TECTA: variants seen among roughly 807,000 people sequenced by gnomAD.
TECTA encodes the protein tectorin alpha, also known as alpha-tectorin.
TECTA carries 128 observed loss-of-function variants against 216.8 expected under a neutral mutation model. The observed-to-expected ratio is 0.59, with a 90% CI of 0.51 to 0.68. The LOEUF is 0.68. TECTA is among the 30% of genes least tolerant of loss of function. The pLI is 0.00. For synonymous variants in TECTA, 1,089 were observed against 1,117.1 expected (o/e 0.97, Z 0.50); for missense variants, 2,551 against 2,786.2 (o/e 0.92, Z 1.90).
chr11:121,105,105 C>T lies in TECTA; in HGVS notation c.65-726C>T, dbSNP rs557040947. ...AGGAGAGGAGGTGACCCTGTCACAGCGGGATGCAGTGTGTGTTTGTGTGAT... is the reference window on the plus strand; with the variant it reads ...AGGAGAGGAGGTGACCCTGTCACAGTGGGATGCAGTGTGTGTTTGTGTGAT... On this transcript the variant is annotated intron_variant, in intron 2 of 23. Coordinates refer to ENST00000392793, the MANE Select transcript of TECTA (RefSeq NM_005422.4). The surrounding 1 kb of genome is among the most constrained non-coding windows in gnomAD (Gnocchi z 5.3). Among the ~76,000 whole-genome samples the T allele has an allele frequency of 2.6e-5, 4 of 152,244 alleles. No individual in the cohort carries two copies. Among genetic ancestry groups the T allele is most frequent in the South Asian group, 4.2e-4 (2 of 4,816 alleles).
intron 20 of TECTA, among the ~76,000 whole-genome samples, chr11:121,187,051 G>A (rs542456527): frequency 2.6e-5 from 4 of 152,252 alleles, no homozygotes; most frequent in South Asian, 2.1e-4. Flanking sequence ...TGCCTGGTCC[G>A]GGCATGACTA....
In TECTA at chr11:121,156,172, A is replaced by T. The variant is rs61685639; in HGVS notation, c.4306-1669A>T. Among the ~76,000 whole-genome samples the T allele has an allele frequency of 5.3e-4, 80 of 152,110 alleles. No homozygotes were observed. In the East Asian group the frequency reaches 0.013, roughly 25 times the overall value. On this transcript the variant is annotated intron_variant, in intron 13 of 23. Transcript: ENST00000392793. ...CCCTGTAAGACATTATTTTTAATTTAATTTTATTATTATTACTTCTGAGAC... is the reference window on the plus strand; with the variant it reads ...CCCTGTAAGACATTATTTTTAATTTTATTTTATTATTATTACTTCTGAGAC...
At chr11:121,182,217 G>A (rs1466328889) in intron 20 of TECTA, among the ~76,000 whole-genome samples, 3 of 152,112 alleles carry the variant, frequency 2.0e-5, no homozygotes, top group African/African-American at 7.2e-5. Context: ...AGTGGTAGCA[G>A]TGGGCCAGGT....
Position 121,130,187 on chromosome 11 carries a change from C to A in TECTA, c.2917C>A (p.Pro973Thr). 1 of 1,601,306 alleles carries A rather than the reference C, an allele frequency of 6.2e-7. No individual in the cohort carries two copies. The highest frequency in any genetic ancestry group is 8.5e-7 in the Non-Finnish European group (1 of 1,179,940). Residue 973 changes from proline to threonine, a missense_variant, in exon 10 of 24, where the codon CCC (proline) becomes ACC (threonine). Physicochemically the swap from Pro to Thr is conservative, Grantham distance 38. Coordinates refer to ENST00000392793, the MANE Select transcript of TECTA (RefSeq NM_005422.4). ...ACKNADVEVG[P>T]WRTYDFCPLE... ...CAAGAATGCGGACGTGGAGGTGGGG[C>A]CCTGGCGGACCTATGACTTCTGCCG...
intron 6 of TECTA, among the ~76,000 whole-genome samples, chr11:121,115,611 G>A (rs991010590): frequency 2.0e-5 from 3 of 152,066 alleles, no homozygotes; most frequent in Non-Finnish European, 2.9e-5. Context: ...GGGAGGCCTC[G>A]GGGTTCTTTC....
At chr11:121,188,426 C>T (rs963109243) in intron 21 of TECTA, among the ~76,000 whole-genome samples, 1 of 152,194 alleles carries the variant, frequency 6.6e-6, no homozygotes, top group Non-Finnish European at 1.5e-5. Flanking sequence ...TCTCAAGGAG[C>T]CAGGCGGCCT....
chr11:121,168,094 T>C lies in TECTA; in HGVS notation c.5627T>C (p.Ile1876Thr). 6.2e-7 allele frequency: 1 copy of C among 1,614,130 alleles called. No individual in the cohort carries two copies. Among genetic ancestry groups the C allele is most frequent in the Non-Finnish European group, 8.5e-7 (1 of 1,180,002 alleles). The change falls in exon 19 of 24, where the codon ATC (isoleucine) becomes ACC (threonine). Residue 1876 changes from isoleucine to threonine, a missense_variant. Ile to Thr is a moderately conservative substitution (Grantham distance 89). Transcript: ENST00000392793. ...THIMYKNTLW[I>T]ESANNTGNII... ...ATCATGTATAAAAACACACTCTGGA[T>C]CGAAAGCGCCAACAACACTGGCAAC...
chr11:121,164,323 TTTTTAAAA>T (rs1947029953), intron 16 of TECTA, among the ~76,000 whole-genome samples: 1 of 152,202 alleles, frequency 6.6e-6, no homozygotes, highest in Admixed American at 6.5e-5. Flanking sequence ...TTTAAAACTC[TTTTTAAAA>T]AAACTCTTGA....
In TECTA at chr11:121,105,765, G is replaced by A. The variant is rs1946384283; in HGVS notation, c.65-66G>A. The A allele has an allele frequency of 3.1e-6, 5 of 1,606,018 alleles. No individual in the cohort carries two copies. The highest frequency in any genetic ancestry group is 4.3e-6 in the Non-Finnish European group (5 of 1,176,194). The stretch of plus-strand genomic sequence containing the variant: ...GAAAGAAGCTGGCTTCAGTAGGTAG[G>A]AGAGATGTAGATTGCCAAACGGCAG... On this transcript the variant is annotated intron_variant, in intron 2 of 23. Transcript: ENST00000392793. The surrounding 1 kb of genome is among the most constrained non-coding windows in gnomAD (Gnocchi z 5.3).
rs1308857398 is a variant in TECTA, at chr11:121,191,186, G to A, written c.*380G>A. The A allele has an allele frequency of 3.2e-6, 1 of 315,020 alleles. No homozygotes were observed. Among genetic ancestry groups the A allele is most frequent in the African/African-American group, 2.2e-5 (1 of 46,156 alleles). The allele number at this position is 315,020 out of a possible 1,614,324, so 19.5% of individuals were successfully genotyped here. On this transcript the variant is annotated 3_prime_UTR_variant, in exon 24 of 24. Transcript: ENST00000392793. ...TTTCTGGATCACAGTTTTTTACAGA[G>A]AGAGGGCCTGTTGGAACGATTTTGA... is the stretch of plus-strand genomic sequence containing the variant.
rs1946460773 is a variant in TECTA at position 121,113,308 on chromosome 11, A to G, written c.624+99A>G. The G allele has an allele frequency of 6.3e-7, 1 of 1,596,184 alleles. No homozygotes were observed. Among genetic ancestry groups the G allele is most frequent in the Admixed American group, 1.7e-5 (1 of 59,888 alleles). Reference sequence around the variant, plus strand: ...GAGGGAATCCTGCCACCAGCTTTTAACTAGAGACGCAGGTCTGATCTCGCA... The same window carrying G: ...GAGGGAATCCTGCCACCAGCTTTTAGCTAGAGACGCAGGTCTGATCTCGCA... On this transcript the variant is annotated intron_variant, in intron 5 of 23. Transcript: ENST00000392793. This position sits in a 1 kb window ranked among gnomAD's most constrained non-coding sequence, Gnocchi z 4.2.
chr11:121,143,732 G>A (rs1946806411), intron 11 of TECTA, among the ~76,000 whole-genome samples: 1 of 152,184 alleles, frequency 6.6e-6, no homozygotes, highest in Non-Finnish European at 1.5e-5. Context: ...GTTTTGAAGG[G>A]TGAACATTGC....
chr11:121,150,923 C>T (rs554278480), intron 12 of TECTA, among the ~76,000 whole-genome samples: 64 of 152,074 alleles, frequency 4.2e-4, no homozygotes, highest in African/African-American at 1.5e-3. Context: ...GGATTACAGG[C>T]GTGAGCCACT....
In TECTA at chr11:121,153,058, A is replaced by T. The variant is rs1946907771; in HGVS notation, c.4283A>T (p.Tyr1428Phe). 2 of 1,613,806 alleles carry T rather than the reference A, an allele frequency of 1.2e-6. No individual in the cohort carries two copies. Among genetic ancestry groups the T allele is most frequent in the Non-Finnish European group, 1.7e-6 (2 of 1,179,958 alleles). ...SCILPHSCGC[Y>F]SDGKYYEPKQ... is the part of the protein sequence containing the mutation. ...ATCCTGCCCCACAGCTGCGGCTGCT[A>T]CTCCGATGGCAAATATTACGAGGTA... The change falls in exon 13 of 24, where the codon TAC (tyrosine) becomes TTC (phenylalanine). Residue 1428 changes from tyrosine to phenylalanine, a missense_variant. By Grantham distance (22) the Tyr-to-Phe change is conservative (BLOSUM62 3). Coordinates refer to ENST00000392793, the MANE Select transcript of TECTA (RefSeq NM_005422.4).
chr11:121,133,919 A>T (rs1015746382), intron 10 of TECTA, among the ~76,000 whole-genome samples: 1 of 152,144 alleles, frequency 6.6e-6, no homozygotes, highest in African/African-American at 2.4e-5. Flanking sequence ...CCTGTCTGTC[A>T]GTCTATCTGT....
intron 13 of TECTA, among the ~76,000 whole-genome samples, chr11:121,153,359 T>C (rs1946911968): frequency 6.6e-6 from 1 of 152,166 alleles, no homozygotes; most frequent in South Asian, 2.1e-4. Context: ...TCACTCACAT[T>C]TGTGTGTCTG....
In TECTA at chr11:121,162,216, G is replaced by C. The variant is rs376628197; in HGVS notation, c.5118G>C (p.Gly1706=). Residue 1706 remains glycine, a synonymous_variant, in exon 16 of 24, where the codon GGG becomes GGC. Coordinates refer to ENST00000392793, the MANE Select transcript of TECTA (RefSeq NM_005422.4). The part of the protein sequence containing the change: ...DMKGFFQPCY[G]LLDPLPFYES... ...AGGGCTTCTTCCAGCCCTGCTATGGGCTTCTCGATCCCCTCCCATTCTACG... is the reference window on the plus strand; with the variant it reads ...AGGGCTTCTTCCAGCCCTGCTATGGCCTTCTCGATCCCCTCCCATTCTACG... 1.1e-5 allele frequency: 18 copies of C among 1,614,156 alleles called. No individual in the cohort carries two copies. In the East Asian group the frequency reaches 3.3e-4, roughly 30 times the overall value.
At chr11:121,169,917 A>C (rs1204566652) in intron 20 of TECTA, among the ~76,000 whole-genome samples, 1 of 152,176 alleles carries the variant, frequency 6.6e-6, no homozygotes, top group Admixed American at 6.5e-5. Context: ...ATTGTTGTTA[A>C]CTATAGTCAC....
chr11:121,125,131 T>G (rs1946595004), intron 7 of TECTA, among the ~76,000 whole-genome samples, 171 bp from the exon 8 acceptor site: 1 of 152,204 alleles, frequency 6.6e-6, no homozygotes, highest in Non-Finnish European at 1.5e-5. Context: ...CTCTCTCCAT[T>G]TCCCCCCCGG....
Sources: allele counts gnomAD v4.1 joint callset (sites outside exome capture counted in the v4.1 genomes callset), GRCh38; gene constraint gnomAD v4.1.1; non-coding constraint Gnocchi (gnomAD v3.1); transcripts MANE v1.5; gene names NCBI Gene and HGNC (gene_info 2026-07-23, HGNC 2026-07-21).